THRAP3: variants seen among roughly 807,000 people sequenced by gnomAD.
The protein encoded by THRAP3 is thyroid hormone receptor associated protein 3.
Under a neutral mutation model 101.0 loss-of-function variants are expected in THRAP3, and 16 were observed. The ratio of observed to expected loss-of-function variants is 0.16; its 90% CI spans 0.11 to 0.24. The LOEUF (loss-of-function observed/expected upper bound fraction) is 0.24, where lower values mean the gene tolerates loss of function less well. Among genes scored for constraint, THRAP3 ranks in the 10% least tolerant of loss-of-function variants. THRAP3 has a pLI of 1.00. For missense variants in THRAP3, 989 were observed against 1,202.7 expected (o/e 0.82, Z 2.63); for synonymous variants, 407 against 422.6 (o/e 0.96, Z 0.45).
At chr1:36,242,363 G>A (rs1645171172) in intron 1 of THRAP3, among the ~76,000 whole-genome samples, 1 of 151,850 alleles carries the variant, frequency 6.6e-6, no homozygotes, top group Non-Finnish European at 1.5e-5. Context: ...ATGTTGCCCA[G>A]GTTGATCTTG....
chr1:36,289,518 A>G lies in THRAP3; in HGVS notation c.1499A>G (p.Lys500Arg), dbSNP rs1368719465. ...LEEESFPERS[K>R]KEDRGKRSEG... ...GAGGAGTCTTTCCCAGAGAGATCCA[A>G]AAAGGAAGATCGGGGCAAGAGAAGC... is the stretch of plus-strand genomic sequence containing the variant. The change falls in exon 5 of 12, where the codon AAA (lysine) becomes AGA (arginine). Residue 500 changes from lysine (K) to arginine (R), a missense_variant. Lys to Arg is a conservative substitution (Grantham distance 26). Coordinates refer to ENST00000354618, the MANE Select transcript of THRAP3 (RefSeq NM_005119.4). 1.2e-6 allele frequency: 2 copies of G among 1,614,018 alleles called. No homozygotes were observed. Among genetic ancestry groups the G allele is most frequent in the Non-Finnish European group, 8.5e-7 (1 of 1,180,036 alleles).
rs1345070592 is a variant in THRAP3, at chr1:36,291,308, T to G, written c.1746-66T>G. ...ATTTAAAACTCTTCAAAAAAGTATT[T>G]TTATGGTTTTAATGTTCTTCCTGTG... is the stretch of plus-strand genomic sequence containing the variant. On this transcript the variant is annotated intron_variant, in intron 5 of 11. Coordinates refer to ENST00000354618, the MANE Select transcript of THRAP3 (RefSeq NM_005119.4). The G allele has an allele frequency of 9.4e-6, 14 of 1,484,466 alleles. 1 individual carries two copies. The South Asian group carries it at 1.4e-4, about 15-fold the overall frequency. The allele number at this position is 1,484,466 out of a possible 1,614,324, so 92.0% of individuals were successfully genotyped here.
chr1:36,263,686 C>T (rs752781620), intron 2 of THRAP3, among the ~76,000 whole-genome samples: 8 of 151,988 alleles, frequency 5.3e-5, no homozygotes, highest in East Asian at 1.9e-4. Flanking sequence ...TTTTTTAAGC[C>T]GCCAGCTGTG....
At position 36,299,490 on chromosome 1, in the gene THRAP3, GTC is replaced by G. The variant is rs1646003471; in HGVS notation, c.2304-1394_2304-1393del. 7.3e-5 allele frequency among the ~76,000 whole-genome samples: 11 copies of G among 151,496 alleles called. No homozygotes were observed. In the South Asian group the frequency reaches 2.1e-3, roughly 29 times the overall value. ...GACTCAAATTTGAGGCCTTTTGAGAGTCTTTTTTTTTTGTTTTGTTTTGTTTT... is the reference window on the plus strand; with the variant it reads ...GACTCAAATTTGAGGCCTTTTGAGAGTTTTTTTTTTGTTTTGTTTTGTTTT... On this transcript the variant is annotated intron_variant, in intron 9 of 11. Transcript: ENST00000354618.
At chr1:36,273,565 C>T (rs910342091) in intron 2 of THRAP3, among the ~76,000 whole-genome samples, 5 of 152,184 alleles carry the variant, frequency 3.3e-5, no homozygotes, top group African/African-American at 1.2e-4. Flanking sequence ...CCATTGTGTA[C>T]TAGACGTTCC....
the THRAP3 span, among the ~76,000 whole-genome samples, chr1:36,214,411 C>T: frequency 1.3e-5 from 2 of 152,118 alleles, no homozygotes; most frequent in African/African-American, 4.8e-5. Context: ...TTTGAATCTT[C>T]CCACTTTTCT....
intron 2 of THRAP3, among the ~76,000 whole-genome samples, chr1:36,275,137 A>AC (rs1645641429): frequency 2.7e-5 from 4 of 146,778 alleles, no homozygotes; most frequent in Admixed American, 6.8e-5. Context: ...ACACACACAC[A>AC]AAATTAGCTG....
chr1:36,269,872 C>T (rs913923038), intron 2 of THRAP3, among the ~76,000 whole-genome samples: 2 of 152,122 alleles, frequency 1.3e-5, no homozygotes, highest in Non-Finnish European at 2.9e-5. Flanking sequence ...CCACTGTTTA[C>T]AGCTGCATGT....
intron 1 of THRAP3, among the ~76,000 whole-genome samples, chr1:36,251,608 C>T (rs1044666901): frequency 4.1e-4 from 62 of 152,254 alleles, no homozygotes; most frequent in African/African-American, 1.4e-3. Context: ...TCTTATGTTC[C>T]GAGTTTGCTA....
At chr1:36,264,833 A>G (rs888423430) in intron 2 of THRAP3, among the ~76,000 whole-genome samples, 1 of 152,180 alleles carries the variant, frequency 6.6e-6, no homozygotes, top group Non-Finnish European at 1.5e-5. Context: ...GCTATAATAA[A>G]GTACCACAAA....
chr1:36,246,823 CAG>C (rs1198198898), intron 1 of THRAP3, among the ~76,000 whole-genome samples: 2 of 151,696 alleles, frequency 1.3e-5, no homozygotes, highest in South Asian at 2.1e-4. Flanking sequence ...GCCTGGGCGA[CAG>C]AGTGAGACTC....
intron 2 of THRAP3, among the ~76,000 whole-genome samples, chr1:36,275,403 T>A (rs1171488037): frequency 6.7e-6 from 1 of 148,602 alleles, no homozygotes; most frequent in Non-Finnish European, 1.5e-5. Flanking sequence ...CTGGCTAACA[T>A]GGCGAAACCC....
At chr1:36,260,250 A>C (rs1345018160) in intron 2 of THRAP3, among the ~76,000 whole-genome samples, 1 of 152,108 alleles carries the variant, frequency 6.6e-6, no homozygotes, top group African/African-American at 2.4e-5. Flanking sequence ...TCAGAAAAAC[A>C]AAAACAAACA....
At chr1:36,264,814 G>A (rs559225024) in intron 2 of THRAP3, among the ~76,000 whole-genome samples, 53 of 152,032 alleles carry the variant, frequency 3.5e-4, no homozygotes, top group Non-Finnish European at 7.5e-4. Flanking sequence ...GTTTATATTT[G>A]CTAGGGCTGC....
At chr1:36,228,132 T>C (rs560902590) in intron 1 of THRAP3, among the ~76,000 whole-genome samples, 1 of 150,600 alleles carries the variant, frequency 6.6e-6, no homozygotes, top group Non-Finnish European at 1.5e-5. Flanking sequence ...CTGCAACCTC[T>C]GTCTTCCAGG....
upstream of THRAP3, among the ~76,000 whole-genome samples, chr1:36,222,022 G>A (rs1472109104): frequency 6.6e-6 from 1 of 152,044 alleles, no homozygotes. Context: ...ATGTTGGCCA[G>A]GCTGGTCTTG....
chr1:36,248,290 T>G (rs935994206), intron 1 of THRAP3, among the ~76,000 whole-genome samples: 2 of 152,092 alleles, frequency 1.3e-5, no homozygotes, highest in South Asian at 2.1e-4. Context: ...TATTTGTTGG[T>G]GGCTTTGACT....
chr1:36,238,790 C>G (rs944300624), intron 1 of THRAP3, among the ~76,000 whole-genome samples: 2 of 151,982 alleles, frequency 1.3e-5, no homozygotes, highest in Non-Finnish European at 2.9e-5. Flanking sequence ...ACTACTGCCC[C>G]TCAAACTCCT....
chr1:36,302,770 G>A (rs1204960415), intron 11 of THRAP3, among the ~76,000 whole-genome samples: 1 of 152,122 alleles, frequency 6.6e-6, no homozygotes, highest in Non-Finnish European at 1.5e-5. Flanking sequence ...TTGTTTGATT[G>A]GATCCCTCCT....
Sources: allele counts gnomAD v4.1 joint callset (sites outside exome capture counted in the v4.1 genomes callset), GRCh38; gene constraint gnomAD v4.1.1; transcripts MANE v1.5; gene names NCBI Gene and HGNC (gene_info 2026-07-23, HGNC 2026-07-21).